The following PNPLA1 variants were observed in gnomAD, a reference collection of about 807,000 sequenced individuals.
PNPLA1 encodes the protein omega-hydroxyceramide transacylase.
PNPLA1 carries 36 observed loss-of-function variants against 51.7 expected under a neutral mutation model. The observed-to-expected ratio is 0.70, with a 90% CI of 0.53 to 0.92. PNPLA1 has a LOEUF of 0.92. PNPLA1 is among the 40% of genes least tolerant of loss of function. The pLI is 0.00. For missense variants in PNPLA1, 658 were observed against 682.5 expected, an observed-to-expected ratio of 0.96 and a Z score of 0.40; for synonymous variants, 293 against 280.1, an observed-to-expected ratio of 1.05 and a Z score of -0.46.
chr6:36,276,689 C>T (rs753227842), intron 1 of PNPLA1, among the ~76,000 whole-genome samples: 17 of 152,208 alleles, frequency 1.1e-4, no homozygotes, highest in African/African-American at 4.1e-4. Flanking sequence ...TTCTTGGCAC[C>T]TTTCTCCCCA....
rs781276117 is a variant in PNPLA1 at position 36,294,404 on chromosome 6, G to C, written c.714+5G>C. On this transcript the variant is annotated splice_donor_5th_base_variant and intron_variant, in intron 4 of 8. Coordinates refer to ENST00000636260, the MANE Select transcript of PNPLA1 (RefSeq NM_001374623.1). This position sits in a 1 kb window ranked among gnomAD's most constrained non-coding sequence, Gnocchi z 4.2. ...TTGTTCCCCCCGGACCTGGTGGTGA[G>C]AGGCAGGAGGGGTCTGGGGAGTAGC... 2 of 1,613,112 alleles carry C rather than the reference G, an allele frequency of 1.2e-6. No individual in the cohort carries two copies. The highest frequency in any genetic ancestry group is 1.7e-6 in the Non-Finnish European group (2 of 1,179,220).
At chr6:36,264,175 C>T (rs1228111618) in intron 1 of PNPLA1, among the ~76,000 whole-genome samples, 1 of 152,154 alleles carries the variant, frequency 6.6e-6, no homozygotes, top group African/African-American at 2.4e-5. Flanking sequence ...CCTGTGGGTA[C>T]CATTGATAAA....
rs1582108800 is a variant in PNPLA1 at position 36,308,014 on chromosome 6, A to G, written c.1595+302A>G. ...TGTAAATTGCTTCATAGAATGCAGA[A>G]TGTGTAATAGCTCACAATAAGTAGG... On this transcript the variant is annotated intron_variant, in intron 8 of 8. Transcript: ENST00000636260. 17 of 239,912 alleles carry G rather than the reference A, an allele frequency of 7.1e-5. 1 individual carries two copies. In the South Asian group the frequency reaches 1.1e-3, roughly 15 times the overall value. 14.9% of individuals were successfully genotyped at this position (239,912 alleles called of 1,614,324 possible).
At chr6:36,245,748 G>A (rs1769261004) in intron 1 of PNPLA1, among the ~76,000 whole-genome samples, 1 of 152,198 alleles carries the variant, frequency 6.6e-6, no homozygotes, top group Admixed American at 6.5e-5. Flanking sequence ...GTACCTGGCA[G>A]GAACCGTCAT....
chr6:36,258,416 ATT>A, intron 1 of PNPLA1, among the ~76,000 whole-genome samples: 1 of 152,252 alleles, frequency 6.6e-6, no homozygotes, highest in East Asian at 1.9e-4. Flanking sequence ...ACTACAAAAA[ATT>A]TTTTAAAAAA....
chr6:36,285,218 G>A (rs1259323082), intron 1 of PNPLA1, among the ~76,000 whole-genome samples: 1 of 152,250 alleles, frequency 6.6e-6, no homozygotes, highest in African/African-American at 2.4e-5. Context: ...GGGATTCTGA[G>A]CATTCGTCGG....
intron 2 of PNPLA1, 31 bp downstream of exon 2, chr6:36,291,583 C>CCGG: frequency 1.9e-4 from 10 of 53,496 alleles, no homozygotes; most frequent in African/African-American, 5.7e-4. Flanking sequence ...GGGAGGGACA[C>CCGG]GGAGGGGGCG....
chr6:36,256,163 AGT>A (rs1033825532), intron 1 of PNPLA1, among the ~76,000 whole-genome samples: 1 of 152,180 alleles, frequency 6.6e-6, no homozygotes, highest in African/African-American at 2.4e-5. Context: ...GATTTTCCTA[AGT>A]GTGCTTGATA....
chr6:36,302,556 C>T (rs1217727500), intron 6 of PNPLA1, 87 bp downstream of exon 6: 4 of 1,483,500 alleles, frequency 2.7e-6, no homozygotes, highest in Non-Finnish European at 3.6e-6. Flanking sequence ...ATAACCGCTT[C>T]TTTAGGGGTG....
intron 2 of PNPLA1, 136 bp downstream of exon 2, chr6:36,291,688 G>A: frequency 2.6e-6 from 2 of 762,834 alleles, no homozygotes; most frequent in Non-Finnish European, 4.2e-6. Flanking sequence ...CATGCCCCCA[G>A]AGTCTCGCTG....
chr6:36,287,887 A>G lies in PNPLA1; in HGVS notation c.206-3433A>G, dbSNP rs374487511. Among the ~76,000 whole-genome samples, 251 of 152,334 alleles carry G rather than the reference A, an allele frequency of 1.6e-3. 9 individuals are homozygous for G. The South Asian group carries it at 0.043, about 26-fold the overall frequency. Reference sequence around the variant, plus strand: ...AGGAGAGCTAGACTGAGAGAATCAGACAACTTCCTGCCCTCTTCCTCCCAG... The same window carrying G: ...AGGAGAGCTAGACTGAGAGAATCAGGCAACTTCCTGCCCTCTTCCTCCCAG... On this transcript the variant is annotated intron_variant, in intron 1 of 8. Coordinates refer to ENST00000636260, the MANE Select transcript of PNPLA1 (RefSeq NM_001374623.1).
intron 1 of PNPLA1, among the ~76,000 whole-genome samples, chr6:36,284,826 G>A (rs368454537): frequency 6.6e-6 from 1 of 152,014 alleles, no homozygotes; most frequent in African/African-American, 2.4e-5. Flanking sequence ...TTATATATTG[G>A]GTTTCTACTT....
At chr6:36,307,912 C>T (rs1370453727) in intron 8 of PNPLA1, 200 bp downstream of exon 8, 1 of 517,514 alleles carries the variant, frequency 1.9e-6, no homozygotes, top group East Asian at 3.7e-5. Flanking sequence ...GACACTTGCT[C>T]TCCCTGAGCC....
chr6:36,243,438 G>A (rs534043281), intron 1 of PNPLA1, among the ~76,000 whole-genome samples: 19 of 152,276 alleles, frequency 1.2e-4, no homozygotes, highest in Admixed American at 4.6e-4. Context: ...TAAAGGGTGA[G>A]GGACCTACTG....
chr6:36,306,338 G>T lies in PNPLA1; in HGVS notation c.1431G>T (p.Leu477=). 11 of 1,613,146 alleles carry T rather than the reference G, an allele frequency of 6.8e-6. No homozygotes were observed. The highest frequency in any genetic ancestry group is 8.5e-6 in the Non-Finnish European group (10 of 1,179,686). Reference sequence around the variant, plus strand: ...CAAAACCAAAAAGCGCCGTGCCTCTGGTTCATGTGAAGGAAACCGTCAGCA... The same window carrying T: ...CAAAACCAAAAAGCGCCGTGCCTCTTGTTCATGTGAAGGAAACCGTCAGCA... The part of the protein sequence containing the change: ...VSSKPKSAVP[L]VHVKETVSKP... The change falls in exon 7 of 9, where the codon CTG becomes CTT. Residue 477 remains leucine (L), a synonymous_variant. Transcript: ENST00000636260.
At chr6:36,283,798 G>A (rs889866039) in intron 1 of PNPLA1, among the ~76,000 whole-genome samples, 1 of 152,188 alleles carries the variant, frequency 6.6e-6, no homozygotes, top group Admixed American at 6.5e-5. Context: ...CTTAAGACTA[G>A]GGGGTGACTT....
intron 1 of PNPLA1, among the ~76,000 whole-genome samples, chr6:36,277,911 GA>G (rs1770157280): frequency 1.3e-5 from 2 of 152,194 alleles, no homozygotes; most frequent in Admixed American, 6.5e-5. Context: ...TGTTGTCTGG[GA>G]AAGGGCTCAG....
chr6:36,272,188 T>C (rs563009822), intron 1 of PNPLA1, among the ~76,000 whole-genome samples: 1 of 152,352 alleles, frequency 6.6e-6, no homozygotes, highest in South Asian at 2.1e-4. Flanking sequence ...AGCCCTGAGC[T>C]TGTTTTCCTG....
intron 8 of PNPLA1, among the ~76,000 whole-genome samples, chr6:36,309,839 G>A (rs1771347722): frequency 6.6e-6 from 1 of 152,254 alleles, no homozygotes; most frequent in Non-Finnish European, 1.5e-5. Context: ...AAATGTTAGG[G>A]ATGGAGAAGG....
Sources: gnomAD v4.1 joint callset for allele counts (sites outside exome capture counted in the v4.1 genomes callset) on GRCh38, gnomAD v4.1.1 for gene constraint, Gnocchi (gnomAD v3.1) non-coding constraint, MANE v1.5 for transcripts, NCBI Gene and HGNC (gene_info 2026-07-23, HGNC 2026-07-21) for gene names.